Variants in UBOX5 observed in about 807,000 individuals in gnomAD.
The protein encoded by UBOX5 is U-box domain containing 5, also known as RING finger protein 37.
In UBOX5, 28 loss-of-function variants were observed where a neutral mutation model predicts 39.0. The ratio of observed to expected loss-of-function variants is 0.72; its 90% CI spans 0.53 to 0.98. The LOEUF is 0.98. UBOX5 is among the 50% of genes least tolerant of loss of function. UBOX5 has a pLI of 0.00. For synonymous variants in UBOX5, 283 were observed against 275.5 expected (o/e 1.03, Z -0.27); for missense variants, 585 against 674.4 (o/e 0.87, Z 1.47).
At chr20:3,132,098 C>A (rs934663747) in intron 1 of UBOX5, among the ~76,000 whole-genome samples, 1 of 150,782 alleles carries the variant, frequency 6.6e-6, no homozygotes, top group Non-Finnish European at 1.5e-5. Flanking sequence ...TCAGTTGAGG[C>A]CAGGAGTTCG....
In UBOX5 at chr20:3,129,092, G is replaced by A. The variant is rs556809598; in HGVS notation, c.-41-5686C>T. Among the ~76,000 whole-genome samples, 353 of 152,292 alleles carry A rather than the reference G, an allele frequency of 2.3e-3. 3 individuals are homozygous for A. The highest frequency in any genetic ancestry group is 8.3e-3 in the African/African-American group (344 of 41,542). On this transcript the variant is annotated intron_variant, in intron 1 of 4. Transcript: ENST00000217173. The stretch of plus-strand genomic sequence containing the variant: ...TCATGAGGCTTCTCCACCCGCGTCA[G>A]GGGCTGTCAACTACCCCAGTCAACT...
chr20:3,139,329 G>A (rs1372640340), intron 1 of UBOX5, among the ~76,000 whole-genome samples: 29 of 151,870 alleles, frequency 1.9e-4, no homozygotes. Flanking sequence ...ACCCTCTAAG[G>A]GCTTAACATG....
At chr20:3,110,460 G>A in intron 4 of UBOX5, 146 bp from the exon 5 acceptor site, 2 of 922,234 alleles carry the variant, frequency 2.2e-6, no homozygotes, top group Admixed American at 4.8e-5. Flanking sequence ...TCAGGTAGGG[G>A]AGTGGAAGCG....
At chr20:3,138,700 T>C (rs1201556953) in intron 1 of UBOX5, among the ~76,000 whole-genome samples, 5 of 152,158 alleles carry the variant, frequency 3.3e-5, no homozygotes, top group African/African-American at 4.8e-5. Flanking sequence ...GTCTCGAAGG[T>C]TGTTGTCTGT....
In UBOX5 at chr20:3,121,782, T is replaced by C; in HGVS notation, c.857A>G (p.Gln286Arg). The change falls in exon 3 of 5, where the codon CAG becomes CGG. Residue 286 changes from glutamine to arginine, a missense_variant. Coordinates refer to ENST00000217173, the MANE Select transcript of UBOX5 (RefSeq NM_014948.4). ...GCGGTTACACTTCTCCAGTGTGCTC[T>C]GGTCGATGACCTTGCCTGAGGGCAG... ...MLLPSGKVID[Q>R]STLEKCNRSE... 6.2e-7 allele frequency: 1 copy of C among 1,614,146 alleles called. No homozygotes were observed. Among genetic ancestry groups the C allele is most frequent in the Non-Finnish European group, 8.5e-7 (1 of 1,180,030 alleles).
At chr20:3,144,296 G>A (rs1197077470) in intron 1 of UBOX5, among the ~76,000 whole-genome samples, 1 of 152,154 alleles carries the variant, frequency 6.6e-6, no homozygotes, top group Non-Finnish European at 1.5e-5. Flanking sequence ...AAGAATAGAT[G>A]AATGGAATAG....
intron 1 of UBOX5, among the ~76,000 whole-genome samples, chr20:3,132,656 T>C (rs2066438601): frequency 6.6e-6 from 1 of 151,462 alleles, no homozygotes; most frequent in Admixed American, 6.6e-5. Context: ...CCGTCTCTAC[T>C]AAAAATACAA....
rs530957176 is a variant in UBOX5, at chr20:3,113,841, G to A, written c.1417+1464C>T. 7.9e-5 allele frequency among the ~76,000 whole-genome samples: 12 copies of A among 152,270 alleles called. No individual in the cohort carries two copies. The South Asian group carries it at 2.5e-3, about 32-fold the overall frequency. Reference sequence around the variant, plus strand: ...ACAGAGTCTGAATGTTTCCTTTAGAGAGGATGCTGAGCCTGGCCATGATGG... The same window carrying A: ...ACAGAGTCTGAATGTTTCCTTTAGAAAGGATGCTGAGCCTGGCCATGATGG... On this transcript the variant is annotated intron_variant, in intron 4 of 4. Coordinates refer to ENST00000217173, the MANE Select transcript of UBOX5 (RefSeq NM_014948.4).
At chr20:3,150,940 T>C (rs1251797290) in intron 1 of UBOX5, 2 of 152,308 alleles carry the variant, frequency 1.3e-5, no homozygotes, top group East Asian at 3.9e-4. Context: ...TGGAGTATAG[T>C]GGCATGATAA....
chr20:3,157,507 T>C (rs2066698615), intron 1 of UBOX5, among the ~76,000 whole-genome samples: 1 of 152,264 alleles, frequency 6.6e-6, no homozygotes, highest in African/African-American at 2.4e-5. Context: ...TTTAAGACTC[T>C]GCTATTCCTC....
chr20:3,133,775 C>G, intron 1 of UBOX5, among the ~76,000 whole-genome samples: 1 of 150,666 alleles, frequency 6.6e-6, no homozygotes, highest in East Asian at 1.9e-4. Flanking sequence ...GAAACAGGCT[C>G]TCACTCCCAT....
intron 1 of UBOX5, among the ~76,000 whole-genome samples, chr20:3,129,804 T>C (rs2066415941): frequency 5.3e-5 from 8 of 152,244 alleles, no homozygotes; most frequent in Admixed American, 5.2e-4. Context: ...CATTCCTTCT[T>C]GACTCTGGCT....
intron 1 of UBOX5, chr20:3,147,983 A>T: frequency 6.2e-7 from 1 of 1,614,228 alleles, no homozygotes; most frequent in Non-Finnish European, 8.5e-7. Context: ...AGTGAAACGG[A>T]ACATTTTAAC....
intron 1 of UBOX5, among the ~76,000 whole-genome samples, chr20:3,145,564 G>A (rs1298083709): frequency 6.6e-6 from 1 of 151,672 alleles, no homozygotes; most frequent in Non-Finnish European, 1.5e-5. Flanking sequence ...CCAGCCTCCT[G>A]AGTAGCTAGG....
intron 1 of UBOX5, among the ~76,000 whole-genome samples, chr20:3,144,860 C>T (rs6076481): frequency 0.24 from 36,354 of 152,132 alleles, 5,629 homozygotes; most frequent in Non-Finnish European, 0.35. Context: ...TCTGCCTAAG[C>T]GTCAGACTTG....
At chr20:3,122,667 T>C (rs2066347802) in intron 2 of UBOX5, 83 bp from the exon 3 acceptor site, 2 of 1,468,586 alleles carry the variant, frequency 1.4e-6, no homozygotes. Context: ...AGCCTGAGGT[T>C]CCTCGTTTTA....
At chr20:3,120,362 A>C (rs1305137772) in intron 3 of UBOX5, among the ~76,000 whole-genome samples, 5 of 149,444 alleles carry the variant, frequency 3.3e-5, no homozygotes, top group African/African-American at 5.0e-5. Flanking sequence ...AAAAAAAAAA[A>C]CAGAAGTCGA....
At chr20:3,158,536 C>G (rs1046968743) in intron 1 of UBOX5, among the ~76,000 whole-genome samples, 1 of 152,136 alleles carries the variant, frequency 6.6e-6, no homozygotes, top group African/African-American at 2.4e-5. Flanking sequence ...TGCAGTGGCG[C>G]GATCTCGGCT....
chr20:3,110,702 G>A (rs1355468376), intron 4 of UBOX5: 7 of 281,986 alleles, frequency 2.5e-5, no homozygotes. Flanking sequence ...GAGGCGACAA[G>A]AGAAGGAAAA....
Sources: gnomAD v4.1 joint callset for allele counts (sites outside exome capture counted in the v4.1 genomes callset) on GRCh38, gnomAD v4.1.1 for gene constraint, MANE v1.5 for transcripts, NCBI Gene and HGNC (gene_info 2026-07-23, HGNC 2026-07-21) for gene names.